Variants in EXD1 observed in about 807,000 individuals in gnomAD.
EXD1 encodes exonuclease 3'-5' domain containing 1.
EXD1 carries 63 observed loss-of-function variants against 49.1 expected under a neutral mutation model. The ratio of observed to expected loss-of-function variants is 1.28; its 90% CI spans 1.05 to 1.58. The LOEUF (loss-of-function observed/expected upper bound fraction) is 1.58, where lower values mean the gene tolerates loss of function less well. EXD1 is among the 40% of genes most tolerant of loss of function. The probability of loss-of-function intolerance (pLI) is 0.00; values close to 1 mark genes in which losing one functional copy is unlikely to be tolerated. For missense variants in EXD1, 748 were observed against 666.0 expected (o/e 1.12, Z -1.36); for synonymous variants, 234 against 239.2 (o/e 0.98, Z 0.20).
chr15:41,214,255 A>C (rs942555878), intron 6 of EXD1, among the ~76,000 whole-genome samples: 1 of 152,202 alleles, frequency 6.6e-6, no homozygotes, highest in African/African-American at 2.4e-5. Context: ...TTACACCTGT[A>C]ATCCCAGCAC....
chr15:41,212,532 G>A, intron 6 of EXD1, among the ~76,000 whole-genome samples: 1 of 152,064 alleles, frequency 6.6e-6, no homozygotes, highest in East Asian at 1.9e-4. Flanking sequence ...AAAAAGTCTG[G>A]CCGTTCCTCA....
In EXD1 at chr15:41,191,495, G is replaced by A. The variant is rs2046515602; in HGVS notation, c.811C>T (p.Gln271Ter). The change falls in exon 10 of 12, where the codon CAA (glutamine) becomes TAA (stop). Residue 271 changes from glutamine (Q) to a stop codon, truncating the protein, a stop_gained. Coordinates refer to ENST00000458580, the MANE Select transcript of EXD1 (RefSeq NM_001286441.2). LOFTEE classifies it high-confidence loss of function. The stretch of plus-strand genomic sequence containing the variant: ...AAGGAGAGATATTTAGGGGCTACTT[G>A]AAGGTGTTTGATTAAACTCTCCTGC... ...TLQESLIKHLQVAPKYLSFLE... is the reference protein window; with the variant it reads ...TLQESLIKHL 6.2e-7 allele frequency: 1 copy of A among 1,613,242 alleles called. No homozygotes were observed.
At chr15:41,195,711 A>G in intron 9 of EXD1, 64 bp downstream of exon 9, 5 of 1,294,112 alleles carry the variant, frequency 3.9e-6, no homozygotes, top group Non-Finnish European at 5.2e-6. Context: ...AGATGACCAG[A>G]TGAGCCCTTT....
chr15:41,211,220 T>G (rs1463793337), intron 6 of EXD1, among the ~76,000 whole-genome samples: 1 of 151,992 alleles, frequency 6.6e-6, no homozygotes, highest in East Asian at 1.9e-4. Flanking sequence ...TAGCTGATCC[T>G]CTCATCTCAG....
chr15:41,220,948 T>A (rs951164392), intron 2 of EXD1, among the ~76,000 whole-genome samples: 4 of 152,070 alleles, frequency 2.6e-5, no homozygotes, highest in Admixed American at 2.6e-4. Context: ...CCTCAAGTGA[T>A]CCTCCCACCT....
At chr15:41,194,860 T>C (rs2046585631) in intron 9 of EXD1, among the ~76,000 whole-genome samples, 1 of 152,108 alleles carries the variant, frequency 6.6e-6, no homozygotes, top group Non-Finnish European at 1.5e-5. Flanking sequence ...TGGCAGCAAA[T>C]ACATTATAAG....
chr15:41,197,751 G>A (rs1435078655), intron 7 of EXD1, among the ~76,000 whole-genome samples: 1 of 151,418 alleles, frequency 6.6e-6, no homozygotes, highest in Non-Finnish European at 1.5e-5. Flanking sequence ...TGCCTCCTGA[G>A]TAGCTGGGAT....
intron 7 of EXD1, among the ~76,000 whole-genome samples, chr15:41,199,689 G>C (rs8025484): frequency 3.8e-4 from 31 of 82,594 alleles, no homozygotes; most frequent in Admixed American, 1.1e-3. Context: ...TCATATATAT[G>C]AGATATATTA....
At position 41,191,575 on chromosome 15, in the gene EXD1, A is replaced by G; in HGVS notation, c.731T>C (p.Val244Ala). 1 of 1,613,976 alleles carries G rather than the reference A, an allele frequency of 6.2e-7. No homozygotes were observed. The highest frequency in any genetic ancestry group is 8.5e-7 in the Non-Finnish European group (1 of 1,179,966). Residue 244 changes from valine to alanine, a missense_variant, in exon 10 of 12, where the codon GTA becomes GCA. By Grantham distance (64) the Val-to-Ala change is moderately conservative. Transcript: ENST00000458580. Reference sequence around the variant, plus strand: ...ACCCGTTTCCATGGAAAACTGAAGTACATCTGCTACCTGTGGTATTTTAAA... The same window carrying G: ...ACCCGTTTCCATGGAAAACTGAAGTGCATCTGCTACCTGTGGTATTTTAAA... ...NNVFDTQVAD[V>A]LQFSMETGGY...
chr15:41,227,449 A>T (rs2047179650), intron 1 of EXD1, among the ~76,000 whole-genome samples: 1 of 152,058 alleles, frequency 6.6e-6, no homozygotes, highest in Non-Finnish European at 1.5e-5. Context: ...GTGGGCAGAT[A>T]ATCTGAGGTC....
chr15:41,219,773 T>C, intron 3 of EXD1, 57 bp downstream of exon 3: 1 of 1,376,666 alleles, frequency 7.3e-7, no homozygotes, highest in South Asian at 1.3e-5. Context: ...CAAGACAATT[T>C]CAAATATTGG....
intron 7 of EXD1, among the ~76,000 whole-genome samples, chr15:41,199,730 G>GATATATT (rs1566980606): frequency 3.0e-5 from 1 of 33,492 alleles, no homozygotes; most frequent in African/African-American, 7.1e-5. Flanking sequence ...TATTATATAT[G>GATATATT]ATATATATGT....
chr15:41,198,700 T>TAA (rs147985730), intron 7 of EXD1, among the ~76,000 whole-genome samples: 5 of 149,284 alleles, frequency 3.3e-5, no homozygotes, highest in East Asian at 2.0e-4. Flanking sequence ...ATTTTTTAAT[T>TAA]AAAAAAAATT....
At chr15:41,188,063 A>C (rs2140803201) in intron 11 of EXD1, among the ~76,000 whole-genome samples, 1 of 151,890 alleles carries the variant, frequency 6.6e-6, no homozygotes, top group African/African-American at 2.4e-5. Flanking sequence ...TTTTACATCA[A>C]TATTCATAAG....
chr15:41,203,600 A>G (rs2046768416), intron 7 of EXD1, among the ~76,000 whole-genome samples: 1 of 151,992 alleles, frequency 6.6e-6, no homozygotes, highest in Non-Finnish European at 1.5e-5. Context: ...ACCAGAACCC[A>G]GTTTCCCCAA....
intron 9 of EXD1, 102 bp downstream of exon 9, chr15:41,195,673 A>AT: frequency 1.2e-6 from 1 of 841,666 alleles, no homozygotes; most frequent in Non-Finnish European, 1.7e-6. Flanking sequence ...CAAAAAAAAA[A>AT]AAAAAATTAA....
intron 2 of EXD1, among the ~76,000 whole-genome samples, chr15:41,221,166 T>C (rs2047082984): frequency 1.3e-5 from 2 of 152,172 alleles, no homozygotes; most frequent in Non-Finnish European, 2.9e-5. Flanking sequence ...TTATCTCAAT[T>C]ATGGAGGACT....
rs758605179 is a variant in EXD1 at position 41,184,296 on chromosome 15, G to T, written c.1354C>A (p.His452Asn). 2 of 1,614,212 alleles carry T rather than the reference G, an allele frequency of 1.2e-6. No individual in the cohort carries two copies. The highest frequency in any genetic ancestry group is 1.7e-6 in the Non-Finnish European group (2 of 1,180,044). The change falls in exon 12 of 12, where the codon CAT becomes AAT. Residue 452 changes from histidine (H) to asparagine (N), a missense_variant. Transcript: ENST00000458580. ...SLNKQATNPQ[H>N]LPPTEEGETS... ...TCCCCTTCCTCTGTGGGAGGTAGAT[G>T]TTGAGGATTTGTAGCTTGTTTATTC...
intron 7 of EXD1, among the ~76,000 whole-genome samples, chr15:41,207,817 C>A (rs1178146560): frequency 6.6e-6 from 1 of 151,738 alleles, no homozygotes; most frequent in East Asian, 1.9e-4. Flanking sequence ...TCGAGACAAG[C>A]CTGGCCAACA....
Sources: allele counts gnomAD v4.1 joint callset (sites outside exome capture counted in the v4.1 genomes callset), GRCh38; gene constraint gnomAD v4.1.1; transcripts MANE v1.5; gene names NCBI Gene and HGNC (gene_info 2026-07-23, HGNC 2026-07-21).